Variants in RNF217 observed in about 807,000 individuals in gnomAD.
RNF217 encodes the protein ring finger protein 217.
A neutral mutation model predicts 57.8 loss-of-function variants in RNF217; 31 were observed. The ratio of observed to expected loss-of-function variants is 0.54; its 90% CI spans 0.40 to 0.72. The LOEUF is 0.72. Among genes scored for constraint, RNF217 ranks in the 30% least tolerant of loss-of-function variants. The pLI is 0.00. For missense variants in RNF217, 696 were observed against 708.3 expected (o/e 0.98, Z 0.20); for synonymous variants, 313 against 294.0 (o/e 1.06, Z -0.66).
At chr6:124,971,454 TTTTG>T (rs540542402) in intron 1 of RNF217, 303 of 327,376 alleles carry the variant, frequency 9.3e-4, no homozygotes, top group South Asian at 1.4e-3. Context: ...TTAAGTTTTT[TTTTG>T]TTTGTTTGTT....
At chr6:125,066,624 G>A (rs1001891141) in intron 3 of RNF217, among the ~76,000 whole-genome samples, 5 of 151,886 alleles carry the variant, frequency 3.3e-5, no homozygotes, top group African/African-American at 7.3e-5. Context: ...TCAAACCACC[G>A]TCCCCTACCT....
At chr6:125,039,587 A>T (rs945722122) in intron 1 of RNF217, among the ~76,000 whole-genome samples, 1 of 152,200 alleles carries the variant, frequency 6.6e-6, no homozygotes, top group African/African-American at 2.4e-5. Flanking sequence ...TCAGCTCTGG[A>T]TCAAGTAGAC....
intron 1 of RNF217, among the ~76,000 whole-genome samples, chr6:125,041,130 T>G (rs938084190): frequency 6.6e-6 from 1 of 152,144 alleles, no homozygotes; most frequent in Non-Finnish European, 1.5e-5. Flanking sequence ...TTAATTAGCT[T>G]GATTAATATA....
chr6:125,001,566 A>T (rs1325175665), intron 1 of RNF217, among the ~76,000 whole-genome samples: 2 of 152,224 alleles, frequency 1.3e-5, no homozygotes, highest in Non-Finnish European at 2.9e-5. Context: ...TCCTAGCAGT[A>T]TGGCGTTTTA....
At chr6:125,042,991 C>T (rs2114523839) in intron 1 of RNF217, among the ~76,000 whole-genome samples, 1 of 152,126 alleles carries the variant, frequency 6.6e-6, no homozygotes, top group East Asian at 1.9e-4. Context: ...TTGAAAGAAA[C>T]TATCTCTCAC....
At chr6:125,016,848 G>T (rs1047287258) in intron 1 of RNF217, among the ~76,000 whole-genome samples, 1 of 152,100 alleles carries the variant, frequency 6.6e-6, no homozygotes, top group East Asian at 1.9e-4. Context: ...GGGTTGATGG[G>T]TGCAGCAAAC....
At chr6:125,013,357 G>A (rs1278158041) in intron 1 of RNF217, among the ~76,000 whole-genome samples, 1 of 145,288 alleles carries the variant, frequency 6.9e-6, no homozygotes, top group African/African-American at 2.5e-5. Context: ...GTGTATGTGT[G>A]TGTGTGTGTG....
At chr6:125,033,221 T>C (rs9401798) in intron 1 of RNF217, among the ~76,000 whole-genome samples, 62,131 of 150,080 alleles carry the variant, frequency 0.41, 13,724 homozygotes, top group South Asian at 0.58. Flanking sequence ...ATACTTAAGT[T>C]TTAGGGTACA....
intron 1 of RNF217, among the ~76,000 whole-genome samples, chr6:124,981,324 G>A (rs193117824): frequency 6.6e-5 from 10 of 152,234 alleles, no homozygotes; most frequent in Admixed American, 2.0e-4. Context: ...TTTATTTTGC[G>A]AAGTTAAGGA....
intron 1 of RNF217, among the ~76,000 whole-genome samples, chr6:124,982,198 G>C (rs1166950349): frequency 2.0e-5 from 3 of 151,976 alleles, no homozygotes; most frequent in Non-Finnish European, 4.4e-5. Context: ...TTTTCCCTTG[G>C]CTTAGTGATT....
At chr6:125,061,919 A>G (rs968894703) in intron 3 of RNF217, among the ~76,000 whole-genome samples, 2 of 152,120 alleles carry the variant, frequency 1.3e-5, no homozygotes, top group African/African-American at 4.8e-5. Flanking sequence ...CTTATTATGC[A>G]TTGGGTACCT....
intron 1 of RNF217, among the ~76,000 whole-genome samples, chr6:125,019,727 C>A (rs991547537): frequency 1.3e-5 from 2 of 151,784 alleles, no homozygotes; most frequent in Non-Finnish European, 2.9e-5. Context: ...TGTCTTTCTC[C>A]AACACTTACT....
In RNF217 at chr6:125,086,199, G is replaced by T. The variant is rs1029139149; in HGVS notation, c.*3262G>T. ...TATGAGACCCTTTTTTGGATAAAAA[G>T]AAAGATTGTACAGGAGTGCATAATT... On this transcript the variant is annotated 3_prime_UTR_variant, in exon 6 of 6. Coordinates refer to ENST00000521654, the MANE Select transcript of RNF217 (RefSeq NM_001286398.3). 1 of 151,938 alleles carries T rather than the reference G, an allele frequency of 6.6e-6. No homozygotes were observed. Among genetic ancestry groups the T allele is most frequent in the Non-Finnish European group, 1.5e-5 (1 of 67,894 alleles). 9.4% of individuals were successfully genotyped at this position (151,938 alleles called of 1,614,324 possible). A position where few individuals can be genotyped will look rare whatever the true frequency, so the allele number is the denominator to read the frequency against.
chr6:124,963,092 C>A lies in RNF217; in HGVS notation c.548C>A (p.Ser183Ter). The A allele has an allele frequency of 1.9e-6, 3 of 1,544,786 alleles. No individual in the cohort carries two copies. Among genetic ancestry groups the A allele is most frequent in the Non-Finnish European group, 2.6e-6 (3 of 1,152,454 alleles). ...LPEAPASEQL[S>*]PPASPPGAPP... is the part of the protein sequence containing the mutation. The stretch of plus-strand genomic sequence containing the variant: ...GAGGCCCCCGCCTCGGAGCAGCTCT[C>A]GCCGCCCGCGTCGCCACCTGGGGCT... The change falls in exon 1 of 6, where the codon TCG (serine) becomes TAG (stop). Residue 183 changes from serine (S) to a stop codon, truncating the protein, a stop_gained. Coordinates refer to ENST00000521654, the MANE Select transcript of RNF217 (RefSeq NM_001286398.3). LOFTEE classifies it high-confidence loss of function.
At chr6:125,044,758 T>C (rs1179369908) in intron 1 of RNF217, among the ~76,000 whole-genome samples, 1 of 152,112 alleles carries the variant, frequency 6.6e-6, no homozygotes, top group Non-Finnish European at 1.5e-5. Context: ...AATAGTAAAA[T>C]GTGCCCAGAG....
At chr6:125,045,166 A>T (rs376883431) in intron 1 of RNF217, 45 bp from the exon 2 acceptor site, 1 of 1,273,244 alleles carries the variant, frequency 7.9e-7, no homozygotes, top group Non-Finnish European at 1.1e-6. Context: ...GAAAGAAAAT[A>T]ACCAGTGACG....
At chr6:125,040,734 A>G (rs527979717) in intron 1 of RNF217, among the ~76,000 whole-genome samples, 85 of 152,318 alleles carry the variant, frequency 5.6e-4, no homozygotes, top group South Asian at 2.1e-3. Flanking sequence ...CAAAAAGCTT[A>G]TCCACCACGA....
At chr6:125,043,260 T>C (rs1004644138) in intron 1 of RNF217, among the ~76,000 whole-genome samples, 1 of 152,042 alleles carries the variant, frequency 6.6e-6, no homozygotes, top group Non-Finnish European at 1.5e-5. Flanking sequence ...CTGTGTTCTC[T>C]TTCCTCCAGG....
At chr6:125,048,194 G>T in intron 2 of RNF217, 1 of 1,351,240 alleles carries the variant, frequency 7.4e-7, no homozygotes, top group South Asian at 1.2e-5. Flanking sequence ...AACCAATCGT[G>T]AGATTCATGG....
Sources: gnomAD v4.1 joint callset for allele counts (sites outside exome capture counted in the v4.1 genomes callset) on GRCh38, gnomAD v4.1.1 for gene constraint, MANE v1.5 for transcripts, NCBI Gene and HGNC (gene_info 2026-07-23, HGNC 2026-07-21) for gene names.